AK5: variants seen among roughly 807,000 people sequenced by gnomAD.
AK5 encodes the protein adenylate kinase isoenzyme 5.
AK5 carries 27 observed loss-of-function variants against 69.5 expected under a neutral mutation model. That is an observed-to-expected ratio of 0.39 (90% CI 0.29 to 0.54). The LOEUF (loss-of-function observed/expected upper bound fraction) is 0.54, where lower values mean the gene tolerates loss of function less well. AK5 is among the 20% of genes least tolerant of loss of function. The probability of loss-of-function intolerance (pLI) is 0.71; values close to 1 mark genes in which losing one functional copy is unlikely to be tolerated. For synonymous variants in AK5, 260 were observed against 244.4 expected, an observed-to-expected ratio of 1.06 and a Z score of -0.60; for missense variants, 531 against 700.4, an observed-to-expected ratio of 0.76 and a Z score of 2.73.
intron 6 of AK5, among the ~76,000 whole-genome samples, chr1:77,357,992 A>AGTGTGTGTGTGTGTGTGTGTGTGTGTGT (rs10643921): frequency 2.2e-4 from 27 of 121,146 alleles, no homozygotes; most frequent in Middle Eastern, 4.2e-3. Flanking sequence ...TATGGAGAGT[A>AGTGTGTGTGTGTGTGTGTGTGTGTGTGT]GTGTGTGTGT....
chr1:77,525,647 C>A (rs1316190667), intron 12 of AK5, among the ~76,000 whole-genome samples: 1 of 152,180 alleles, frequency 6.6e-6, no homozygotes, highest in Non-Finnish European at 1.5e-5. Context: ...CCCCATGACC[C>A]AAACACCTCC....
At chr1:77,558,479 G>GGC (rs1660245902) in intron 13 of AK5, 123 bp from the exon 14 acceptor site, 3 of 612,058 alleles carry the variant, frequency 4.9e-6, no homozygotes, top group South Asian at 2.1e-5. Context: ...CTGTGTTTTG[G>GGC]GGGGGGTCTT....
At chr1:77,555,865 C>T (rs1660070663) in intron 13 of AK5, among the ~76,000 whole-genome samples, 1 of 152,120 alleles carries the variant, frequency 6.6e-6, no homozygotes, top group African/African-American at 2.4e-5. Context: ...AACTGCAAAA[C>T]ATTGATGATA....
chr1:77,368,237 A>ATATATATATATATATATATGT (rs1553140275), intron 6 of AK5, among the ~76,000 whole-genome samples: 2 of 7,852 alleles, frequency 2.5e-4, no homozygotes, highest in African/African-American at 2.9e-4. Context: ...ATATATATAT[A>ATATATATATATATATATATGT]TATATATATA....
intron 8 of AK5, among the ~76,000 whole-genome samples, chr1:77,457,544 G>A (rs762178607): frequency 3.3e-5 from 5 of 151,962 alleles, no homozygotes; most frequent in Non-Finnish European, 7.4e-5. Context: ...ATTTTCAAGA[G>A]CTCTTTCTTT....
Position 77,367,596 on chromosome 1 carries a change from TGTA to T in AK5, c.891+27029_891+27031del, listed in dbSNP as rs1270096704. Among the ~76,000 whole-genome samples, 6 of 88,088 alleles carry T rather than the reference TGTA, an allele frequency of 6.8e-5. 1 individual carries two copies. Among genetic ancestry groups the T allele is most frequent in the Admixed American group, 1.6e-4 (1 of 6,264 alleles). 57.8% of individuals were successfully genotyped at this position (88,088 alleles called of 152,430 possible). A position where few individuals can be genotyped will look rare whatever the true frequency, so the allele number is the denominator to read the frequency against. On this transcript the variant is annotated intron_variant, in intron 6 of 13. Coordinates refer to ENST00000354567, the MANE Select transcript of AK5 (RefSeq NM_174858.3). Reference sequence around the variant, plus strand: ...ATATATATAATATATATGTTATATATGTAATATATATGTAATATATATGTTATA... The same window carrying T: ...ATATATATAATATATATGTTATATATATATATATGTAATATATATGTTATA...
intron 6 of AK5, among the ~76,000 whole-genome samples, chr1:77,345,709 C>A (rs2100396763): frequency 6.6e-6 from 1 of 152,328 alleles, no homozygotes; most frequent in Middle Eastern, 3.4e-3. Context: ...CCCCAAGTCC[C>A]AGATAACCCC....
chr1:77,407,692 T>A (rs2100562641), intron 6 of AK5, among the ~76,000 whole-genome samples: 1 of 152,292 alleles, frequency 6.6e-6, no homozygotes, highest in Non-Finnish European at 1.5e-5. Context: ...GTATGTTGCA[T>A]GCTGCTGAGG....
At chr1:77,352,900 A>G (rs1173714252) in intron 6 of AK5, among the ~76,000 whole-genome samples, 2 of 152,174 alleles carry the variant, frequency 1.3e-5, no homozygotes, top group Non-Finnish European at 2.9e-5. Flanking sequence ...TTTTTTCTTT[A>G]ATACAGGCAT....
chr1:77,551,738 A>G (rs1351179739), intron 13 of AK5, among the ~76,000 whole-genome samples: 17 of 152,202 alleles, frequency 1.1e-4, no homozygotes, highest in Admixed American at 1.1e-3. Flanking sequence ...CCTTCCATAA[A>G]GCCTAGACTA....
chr1:77,448,414 G>C (rs1282274555), intron 8 of AK5, among the ~76,000 whole-genome samples: 1 of 152,148 alleles, frequency 6.6e-6, no homozygotes, highest in African/African-American at 2.4e-5. Flanking sequence ...TCTCCGCTGA[G>C]GGCTGCAGAG....
intron 10 of AK5, among the ~76,000 whole-genome samples, chr1:77,511,730 A>G (rs1259949145): frequency 6.6e-6 from 1 of 152,220 alleles, no homozygotes; most frequent in African/African-American, 2.4e-5. Flanking sequence ...AATAAAGCCT[A>G]TGGTGGCCTG....
intron 1 of AK5, among the ~76,000 whole-genome samples, chr1:77,286,412 A>G (rs79696853): frequency 0.014 from 2,180 of 150,660 alleles, 57 homozygotes; most frequent in African/African-American, 0.05. Context: ...TGCTGAACTG[A>G]AAACTAATTA....
At chr1:77,307,495 A>G (rs182167340) in intron 5 of AK5, among the ~76,000 whole-genome samples, 2 of 151,774 alleles carry the variant, frequency 1.3e-5, no homozygotes. Flanking sequence ...CAATTTTTTA[A>G]TGTTTTAAGA....
intron 3 of AK5, 88 bp downstream of exon 3, chr1:77,294,048 A>G: frequency 8.3e-7 from 1 of 1,205,138 alleles, no homozygotes; most frequent in South Asian, 1.5e-5. Context: ...TATATGTGCA[A>G]ATAGTTGGAT....
intron 8 of AK5, among the ~76,000 whole-genome samples, chr1:77,443,603 A>G (rs1652464913): frequency 6.6e-6 from 1 of 151,942 alleles, no homozygotes; most frequent in South Asian, 2.1e-4. Flanking sequence ...GACACTGTAG[A>G]GATCCAAATA....
At chr1:77,535,735 A>T in intron 12 of AK5, 112 bp from the exon 13 acceptor site, 1 of 918,482 alleles carries the variant, frequency 1.1e-6, no homozygotes, top group Non-Finnish European at 1.6e-6. Context: ...TAATGCTGGG[A>T]CCTTGAAGGG....
At chr1:77,443,437 C>G (rs889615947) in intron 8 of AK5, among the ~76,000 whole-genome samples, 11 of 152,124 alleles carry the variant, frequency 7.2e-5, no homozygotes, top group Non-Finnish European at 1.5e-5. Context: ...GTCTGTAAAA[C>G]TGACATAACT....
rs1658090715 is a variant in AK5 at position 77,282,101 on chromosome 1, A to AGCGGGGGCG, written c.-207_-199dup. 1 of 416,174 alleles carries AGCGGGGGCG rather than the reference A, an allele frequency of 2.4e-6. No homozygotes were observed. The highest frequency in any genetic ancestry group is 3.8e-5 in the East Asian group (1 of 26,356). 25.8% of individuals were successfully genotyped at this position (416,174 alleles called of 1,614,324 possible). A position where few individuals can be genotyped will look rare whatever the true frequency, so the allele number is the denominator to read the frequency against. ...GCTCCGGCTCGGGGGCTGGAACCGAAGCGGGGGCGGCGGGAGCGCGGAGAC... is the reference window on the plus strand; with the variant it reads ...GCTCCGGCTCGGGGGCTGGAACCGAAGCGGGGGCGGCGGGGGCGGCGGGAGCGCGGAGAC... On this transcript the variant is annotated 5_prime_UTR_variant, in exon 1 of 14. Coordinates refer to ENST00000354567, the MANE Select transcript of AK5 (RefSeq NM_174858.3).
Sources: gnomAD v4.1 joint callset for allele counts (sites outside exome capture counted in the v4.1 genomes callset) on GRCh38, gnomAD v4.1.1 for gene constraint, MANE v1.5 for transcripts, NCBI Gene and HGNC (gene_info 2026-07-23, HGNC 2026-07-21) for gene names.